Variants in MPRIP observed in about 807,000 individuals in gnomAD.
MPRIP encodes myosin phosphatase Rho interacting protein, also known as myosin phosphatase Rho-interacting protein.
Under a neutral mutation model 234.9 loss-of-function variants are expected in MPRIP, and 59 were observed. The ratio of observed to expected loss-of-function variants is 0.25; its 90% CI spans 0.20 to 0.31. The LOEUF (loss-of-function observed/expected upper bound fraction) is 0.31. MPRIP is among the 10% of genes least tolerant of loss of function. The pLI, the probability that MPRIP is intolerant of heterozygous loss-of-function variation, is 1.00. For missense variants in MPRIP, 2,436 were observed against 3,071.0 expected (o/e 0.79, Z 4.89); for synonymous variants, 1,144 against 1,263.9 (o/e 0.91, Z 2.01).
chr17:17,149,310 T>G (rs1239422105), intron 11 of MPRIP, among the ~76,000 whole-genome samples: 1 of 152,124 alleles, frequency 6.6e-6, no homozygotes, highest in African/African-American at 2.4e-5. Flanking sequence ...CTAGCCAACA[T>G]GGTGAAACCC....
rs561410478 is a variant in MPRIP at position 17,175,243 on chromosome 17, C to T, written c.6751-50C>T. The T allele has an allele frequency of 1.7e-5, 27 of 1,611,640 alleles. No homozygotes were observed. The African/African-American group carries it at 3.5e-4, about 21-fold the overall frequency. ...GGCCTTCCCGGGTTGTGTCATGCGA[C>T]TTGGCCCCAGGCAGCTCTGGAGTGT... On this transcript the variant is annotated intron_variant, in intron 19 of 23. Transcript: ENST00000651222.
chr17:17,045,608 T>C (rs1285750144), intron 1 of MPRIP, among the ~76,000 whole-genome samples: 1 of 152,206 alleles, frequency 6.6e-6, no homozygotes, highest in Non-Finnish European at 1.5e-5. Context: ...GATAGTTATG[T>C]TGCAGGAGGT....
intron 3 of MPRIP, among the ~76,000 whole-genome samples, chr17:17,090,880 G>A (rs2089699320): frequency 6.6e-6 from 1 of 152,176 alleles, no homozygotes; most frequent in African/African-American, 2.4e-5. Flanking sequence ...GCCCTAGCCT[G>A]AAGGTTTTGG....
chr17:17,086,995 C>T (rs1463750313), intron 3 of MPRIP, among the ~76,000 whole-genome samples: 1 of 152,124 alleles, frequency 6.6e-6, no homozygotes, highest in Non-Finnish European at 1.5e-5. Context: ...CTCTTGGACC[C>T]GGAACTGTTA....
chr17:17,080,360 C>T (rs942477270), intron 3 of MPRIP, among the ~76,000 whole-genome samples: 6 of 152,218 alleles, frequency 3.9e-5, no homozygotes, highest in African/African-American at 1.2e-4. Context: ...CCAGGAGCTC[C>T]AGCTTAACGG....
In MPRIP at chr17:17,164,843, G is replaced by C. The variant is rs1044076883; in HGVS notation, c.3252G>C (p.Glu1084Asp). 21 of 1,303,966 alleles carry C rather than the reference G, an allele frequency of 1.6e-5. No homozygotes were observed. Among genetic ancestry groups the C allele is most frequent in the Non-Finnish European group, 2.1e-5 (21 of 988,928 alleles). 80.8% of individuals were successfully genotyped at this position (1,303,966 alleles called of 1,614,324 possible). A position where few individuals can be genotyped will look rare whatever the true frequency, so the allele number is the denominator to read the frequency against. The change falls in exon 16 of 24, where the codon GAG becomes GAC. Residue 1084 changes from glutamate to aspartate, a missense_variant. By Grantham distance (45) the Glu-to-Asp change is conservative. Transcript: ENST00000651222. ...GTGAGCAGGTGCACCAGCTGGAGGA[G>C]CAGCTGGAGGCACGAGAGGCCAGCG... ...EGSEQVHQLE[E>D]QLEAREASVR... is the part of the protein sequence containing the mutation.
At chr17:17,129,570 A>G (rs1324593884) in intron 4 of MPRIP, among the ~76,000 whole-genome samples, 2 of 152,198 alleles carry the variant, frequency 1.3e-5, no homozygotes, top group African/African-American at 4.8e-5. Context: ...GACTGAGGCC[A>G]CATGAGACAC....
chr17:17,101,587 AAAC>A lies in MPRIP; in HGVS notation c.267+23523_267+23525del, dbSNP rs566946659. 3.2e-3 allele frequency among the ~76,000 whole-genome samples: 474 copies of A among 148,130 alleles called. 5 individuals carry two copies. Among genetic ancestry groups the A allele is most frequent in the Non-Finnish European group, 3.7e-3 (252 of 67,668 alleles). The stretch of plus-strand genomic sequence containing the variant: ...CTCCATCTCAAAAAAAATTTTTTTT[AAAC>A]AACAACAACAAAAAAAATATATATA... On this transcript the variant is annotated intron_variant, in intron 3 of 23. Transcript: ENST00000651222.
In MPRIP at chr17:17,042,779, A is replaced by T. The variant is rs2088212649; in HGVS notation, c.-70A>T. 72 of 1,015,200 alleles carry T rather than the reference A, an allele frequency of 7.1e-5. No individual in the cohort carries two copies. Among genetic ancestry groups the T allele is most frequent in the Non-Finnish European group, 8.3e-5 (71 of 851,550 alleles). The allele number at this position is 1,015,200 out of a possible 1,614,324, so 62.9% of individuals were successfully genotyped here. On this transcript the variant is annotated 5_prime_UTR_variant, in exon 1 of 24. Coordinates refer to ENST00000651222, the MANE Select transcript of MPRIP (RefSeq NM_001364716.4). Reference sequence around the variant, plus strand: ...TGCGGCGCGGCCGCGCTGAGCCCCTAGCCCGCCGGGAGCGCCAGGCCGGCC... The same window carrying T: ...TGCGGCGCGGCCGCGCTGAGCCCCTTGCCCGCCGGGAGCGCCAGGCCGGCC...
rs1192271441 is a variant in MPRIP, at chr17:17,165,546, A to G, written c.3955A>G (p.Arg1319Gly). The G allele has an allele frequency of 7.7e-7, 1 of 1,304,542 alleles. No homozygotes were observed. The highest frequency in any genetic ancestry group is 1.0e-6 in the Non-Finnish European group (1 of 989,010). 80.8% of individuals were successfully genotyped at this position (1,304,542 alleles called of 1,614,324 possible). The part of the protein sequence containing the change: ...KLDQGAPGVK[R>G]QRIRFSTIQC... Reference sequence around the variant, plus strand: ...CGACCAAGGGGCACCTGGTGTTAAAAGGCAAAGAATCCGGTTCTCCACAAT... The same window carrying G: ...CGACCAAGGGGCACCTGGTGTTAAAGGGCAAAGAATCCGGTTCTCCACAAT... Residue 1319 changes from arginine (R) to glycine (G), a missense_variant, in exon 16 of 24, where the codon AGG (arginine) becomes GGG (glycine). This residue lies in a region of MPRIP where 1,998 missense variants were observed against 2,520.3 expected (regional missense o/e 0.79). Coordinates refer to ENST00000651222, the MANE Select transcript of MPRIP (RefSeq NM_001364716.4).
At chr17:17,061,638 C>T (rs976388994) in intron 1 of MPRIP, among the ~76,000 whole-genome samples, 1 of 152,238 alleles carries the variant, frequency 6.6e-6, no homozygotes, top group Non-Finnish European at 1.5e-5. Flanking sequence ...TCAGCCCCTA[C>T]AGGTGTGGGT....
At chr17:17,146,189 T>A in intron 10 of MPRIP, 97 bp downstream of exon 10, 9 of 1,090,958 alleles carry the variant, frequency 8.2e-6, no homozygotes, top group African/African-American at 1.6e-5. Context: ...GCTGGCTCCA[T>A]GCCTTCCTCC....
chr17:17,169,608 G>A (rs1468915733), intron 16 of MPRIP, among the ~76,000 whole-genome samples: 1 of 152,280 alleles, frequency 6.6e-6, no homozygotes, highest in African/African-American at 2.4e-5. Context: ...ACTCCCTGCT[G>A]CCTTAGCTGC....
At chr17:17,124,023 G>A (rs948862845) in intron 3 of MPRIP, among the ~76,000 whole-genome samples, 2 of 151,960 alleles carry the variant, frequency 1.3e-5, no homozygotes, top group African/African-American at 4.8e-5. Context: ...GGCTCAGCTT[G>A]GTATGTTTTT....
In MPRIP at chr17:17,167,838, G is replaced by A. The variant is rs1470397992; in HGVS notation, c.6247G>A (p.Glu2083Lys). 1 of 1,304,268 alleles carries A rather than the reference G, an allele frequency of 7.7e-7. No individual in the cohort carries two copies. The highest frequency in any genetic ancestry group is 1.0e-6 in the Non-Finnish European group (1 of 988,968). 80.8% of individuals were successfully genotyped at this position (1,304,268 alleles called of 1,614,324 possible). A position where few individuals can be genotyped will look rare whatever the true frequency, so the allele number is the denominator to read the frequency against. ...GGCCCAGATGGATGTCATGCGGGAG[G>A]AGCTGGGACACAAGGACCTGGAGGG... The part of the protein sequence containing the change: ...LEAQMDVMRE[E>K]LGHKDLEGDA... The change falls in exon 16 of 24, where the codon GAG becomes AAG. Residue 2083 changes from glutamate (E) to lysine (K), a missense_variant. Physicochemically the swap from Glu to Lys is moderately conservative, Grantham distance 56. Transcript: ENST00000651222. This position sits in a 1 kb window ranked among gnomAD's most constrained non-coding sequence, Gnocchi z 5.9.
chr17:17,154,421 A>T lies in MPRIP; in HGVS notation c.1829+6A>T, dbSNP rs763047536. 6.2e-7 allele frequency: 1 copy of T among 1,613,558 alleles called. No individual in the cohort carries two copies. Among genetic ancestry groups the T allele is most frequent in the Non-Finnish European group, 8.5e-7 (1 of 1,179,512 alleles). On this transcript the variant is annotated splice_donor_region_variant and intron_variant, in intron 13 of 23. Coordinates refer to ENST00000651222, the MANE Select transcript of MPRIP (RefSeq NM_001364716.4). ...ACTGCCCCGGATGTGACCAGGTAGG[A>T]TGGTGAAGACACCAGGGAGCCCTTT...
At chr17:17,168,926 C>T (rs1408541642) in intron 16 of MPRIP, 1 of 456,754 alleles carries the variant, frequency 2.2e-6, no homozygotes, top group African/African-American at 2.0e-5. Context: ...CAGCCACTGT[C>T]TAGCAGGACA....
chr17:17,179,054 G>A (rs897336684), intron 22 of MPRIP, among the ~76,000 whole-genome samples: 6 of 152,364 alleles, frequency 3.9e-5, no homozygotes, highest in East Asian at 3.9e-4. Context: ...GGTGGCACCC[G>A]CCTGTAATCC....
intron 1 of MPRIP, among the ~76,000 whole-genome samples, chr17:17,070,376 AG>A (rs1460839014): frequency 1.3e-5 from 2 of 152,170 alleles, no homozygotes; most frequent in African/African-American, 2.4e-5. Flanking sequence ...CCTATCCTGC[AG>A]AGACTCTGAT....
Sources: gnomAD v4.1 joint callset for allele counts (sites outside exome capture counted in the v4.1 genomes callset) on GRCh38, gnomAD v4.1.1 for gene constraint, gnomAD v4.1.1 regional missense constraint, Gnocchi (gnomAD v3.1) non-coding constraint, MANE v1.5 for transcripts, NCBI Gene and HGNC (gene_info 2026-07-23, HGNC 2026-07-21) for gene names.